The following PRKCH variants were observed in gnomAD, a reference collection of about 807,000 sequenced individuals.
PRKCH encodes protein kinase C eta type.
Under a neutral mutation model 82.5 loss-of-function variants are expected in PRKCH, and 28 were observed. The observed-to-expected ratio is 0.34, with a 90% CI of 0.25 to 0.47. The LOEUF (loss-of-function observed/expected upper bound fraction) is 0.47. Ranked by LOEUF, PRKCH falls within the 20% of genes least tolerant of loss-of-function variation. The pLI is 1.00. For synonymous variants in PRKCH, 322 were observed against 327.4 expected (o/e 0.98, Z 0.18); for missense variants, 705 against 881.8 (o/e 0.80, Z 2.54).
intron 9 of PRKCH, among the ~76,000 whole-genome samples, chr14:61,459,878 A>G (rs1366615661): frequency 6.6e-6 from 1 of 152,186 alleles, no homozygotes; most frequent in Non-Finnish European, 1.5e-5. Flanking sequence ...ACAGGGTCTC[A>G]CTTTGTCACC....
upstream of PRKCH, among the ~76,000 whole-genome samples, chr14:61,317,578 T>C (rs1445148711): frequency 1.3e-5 from 2 of 152,212 alleles, no homozygotes; most frequent in Non-Finnish European, 2.9e-5. Context: ...CAAGCCCATG[T>C]GGCGTTCTTT....
intron 1 of PRKCH, among the ~76,000 whole-genome samples, chr14:61,334,941 A>T (rs1303421352): frequency 6.6e-6 from 1 of 152,066 alleles, no homozygotes; most frequent in Admixed American, 6.6e-5. Context: ...GGCTCAGGTT[A>T]TCTTGCTTCA....
At chr14:61,382,990 G>T (rs2046534025) in intron 1 of PRKCH, among the ~76,000 whole-genome samples, 1 of 152,196 alleles carries the variant, frequency 6.6e-6, no homozygotes, top group African/African-American at 2.4e-5. Flanking sequence ...GACAACTCTT[G>T]TTTCATGGAC....
chr14:61,534,027 A>G (rs907543166), intron 12 of PRKCH, among the ~76,000 whole-genome samples: 1 of 152,186 alleles, frequency 6.6e-6, no homozygotes, highest in Non-Finnish European at 1.5e-5. Context: ...CGTTTTATAG[A>G]TGAGGAAACC....
intron 1 of PRKCH, among the ~76,000 whole-genome samples, chr14:61,364,128 C>T (rs965863492): frequency 6.6e-6 from 1 of 151,068 alleles, no homozygotes; most frequent in African/African-American, 2.4e-5. Context: ...CTGCCTTGGC[C>T]TCCCAAAGTG....
Position 61,460,416 on chromosome 14 carries a change from G to A in PRKCH, c.1278+2737G>A, listed in dbSNP as rs1282108156. On this transcript the variant is annotated intron_variant, in intron 9 of 13. Transcript: ENST00000332981. ...ACATTATTAGTAGTAGTATTGCTTG[G>A]TCAAAGGGTATATGCATTTCACATT... 2.0e-5 allele frequency among the ~76,000 whole-genome samples: 3 copies of A among 152,112 alleles called. No homozygotes were observed. In the South Asian group the frequency reaches 6.2e-4, roughly 32 times the overall value.
intron 1 of PRKCH, among the ~76,000 whole-genome samples, chr14:61,390,153 G>T (rs77033676): frequency 6.6e-6 from 1 of 152,138 alleles, no homozygotes; most frequent in South Asian, 2.1e-4. Flanking sequence ...GTTAGCATCC[G>T]GTAGGAAGAG....
intron 2 of PRKCH, among the ~76,000 whole-genome samples, chr14:61,437,883 G>A (rs1468304208): frequency 6.6e-6 from 1 of 151,862 alleles, no homozygotes; most frequent in Non-Finnish European, 1.5e-5. Context: ...GATCACTTGA[G>A]CCCGTGAGTT....
chr14:61,422,218 G>A (rs1020532398), intron 2 of PRKCH, among the ~76,000 whole-genome samples: 4 of 152,032 alleles, frequency 2.6e-5, no homozygotes, highest in Non-Finnish European at 4.4e-5. Flanking sequence ...TGAGTAGCTG[G>A]GGCTATAGGC....
intron 1 of PRKCH, among the ~76,000 whole-genome samples, chr14:61,251,778 A>G (rs2044948637): frequency 1.3e-5 from 2 of 152,138 alleles, no homozygotes; most frequent in South Asian, 4.1e-4. Flanking sequence ...GGAACACTAA[A>G]TCATTCTGTA....
At position 61,188,574 on chromosome 14, in the gene PRKCH, A is replaced by AGT. The variant is rs376746171; in HGVS notation, c.-19+919_-19+920dup. 8.2e-4 allele frequency among the ~76,000 whole-genome samples: 46 copies of AGT among 55,902 alleles called. No homozygotes were observed. The East Asian group carries it at 0.014, about 17-fold the overall frequency. 36.7% of individuals were successfully genotyped at this position (55,902 alleles called of 152,430 possible). On this transcript the variant is annotated intron_variant, in intron 1 of 3. Coordinates refer to the PRKCH transcript ENST00000555185. ...CCTCCTCACCCCCAGACGTTGCTGT[A>AGT]GTGTGTGTGTGTGTCGGGGGGGTGG...
intron 2 of PRKCH, among the ~76,000 whole-genome samples, chr14:61,441,727 AT>A (rs76602358): frequency 0.085 from 10,761 of 126,968 alleles, 320 homozygotes; most frequent in African/African-American, 0.13. Context: ...TCTGCTTTGT[AT>A]TTTTTTTTTT....
At chr14:61,274,682 C>G (rs773765790) in intron 1 of PRKCH, among the ~76,000 whole-genome samples, 1 of 152,118 alleles carries the variant, frequency 6.6e-6, no homozygotes, top group Non-Finnish European at 1.5e-5. Context: ...TTTTCAGCAT[C>G]TGATGCTATT....
chr14:61,412,931 A>G (rs1882345643), intron 2 of PRKCH, among the ~76,000 whole-genome samples: 1 of 151,730 alleles, frequency 6.6e-6, no homozygotes, highest in African/African-American at 2.4e-5. Context: ...TCCTGGGTGG[A>G]TCCATCCTCT....
At chr14:61,416,971 A>G (rs143572141) in intron 2 of PRKCH, among the ~76,000 whole-genome samples, 69 of 152,298 alleles carry the variant, frequency 4.5e-4, no homozygotes, top group African/African-American at 1.5e-3. Context: ...TCCTCAGGTG[A>G]AATTCTGGGA....
chr14:61,237,355 T>C (rs2140063666), intron 1 of PRKCH, among the ~76,000 whole-genome samples: 1 of 152,334 alleles, frequency 6.6e-6, no homozygotes, highest in Non-Finnish European at 1.5e-5. Flanking sequence ...TATATTTCTT[T>C]GACATATTTT....
chr14:61,270,052 G>C (rs1203688273), intron 1 of PRKCH, among the ~76,000 whole-genome samples: 1 of 152,228 alleles, frequency 6.6e-6, no homozygotes, highest in East Asian at 1.9e-4. Context: ...TGGCTGCTGA[G>C]TTTACCTTTG....
intron 2 of PRKCH, among the ~76,000 whole-genome samples, chr14:61,418,918 G>A (rs905660029): frequency 2.6e-5 from 4 of 152,128 alleles, no homozygotes; most frequent in African/African-American, 7.2e-5. Flanking sequence ...GACTGATGGC[G>A]AGTTGATCTC....
At chr14:61,453,829 T>G (rs1472257574) in intron 7 of PRKCH, among the ~76,000 whole-genome samples, 1 of 144,632 alleles carries the variant, frequency 6.9e-6, no homozygotes, top group Non-Finnish European at 1.5e-5. Context: ...AATTTTTTAT[T>G]TTTTTTTTTG....
Sources: allele counts gnomAD v4.1 joint callset (sites outside exome capture counted in the v4.1 genomes callset), GRCh38; gene constraint gnomAD v4.1.1; transcripts MANE v1.5; gene names NCBI Gene and HGNC (gene_info 2026-07-23, HGNC 2026-07-21).